SEM1: variants seen among roughly 807,000 people sequenced by gnomAD.
SEM1 encodes 26S proteasome complex subunit SEM1.
A neutral mutation model predicts 12.7 loss-of-function variants in SEM1; 3 were observed. The ratio of observed to expected loss-of-function variants is 0.24; its 90% CI spans 0.11 to 0.61. The LOEUF is 0.61. Ranked by LOEUF, SEM1 falls within the 20% of genes least tolerant of loss-of-function variation. The probability of loss-of-function intolerance (pLI) is 0.88; values close to 1 mark genes in which losing one functional copy is unlikely to be tolerated. For synonymous variants in SEM1, 30 were observed against 27.8 expected (o/e 1.08, Z -0.25); for missense variants, 59 against 81.3 (o/e 0.73, Z 1.06).
intron 2 of SEM1, among the ~76,000 whole-genome samples, chr7:96,634,899 G>T (rs1347864328): frequency 3.3e-5 from 5 of 152,006 alleles, no homozygotes; most frequent in African/African-American, 4.8e-5. Flanking sequence ...GTATAATAAA[G>T]AAATAATGGA....
intron 2 of SEM1, among the ~76,000 whole-genome samples, chr7:96,683,352 T>C (rs1263307262): frequency 6.6e-6 from 1 of 151,958 alleles, no homozygotes; most frequent in Admixed American, 6.6e-5. Flanking sequence ...TCATGCCAGT[T>C]TGAATGATGA....
chr7:96,650,671 C>A (rs1808946794), intron 2 of SEM1, among the ~76,000 whole-genome samples: 1 of 145,522 alleles, frequency 6.9e-6, no homozygotes, highest in Non-Finnish European at 1.5e-5. Context: ...CACAGAAACA[C>A]ACACAGATGC....
intron 2 of SEM1, among the ~76,000 whole-genome samples, chr7:96,560,604 A>C (rs760136418): frequency 1.3e-5 from 2 of 151,696 alleles, no homozygotes; most frequent in African/African-American, 4.8e-5. Context: ...TATTTTTGTC[A>C]TATGATAACC....
chr7:96,541,944 C>CTTTT (rs34050482), intron 2 of SEM1, among the ~76,000 whole-genome samples: 4 of 92,420 alleles, frequency 4.3e-5, no homozygotes, highest in South Asian at 4.0e-4. Flanking sequence ...GCCTATGTGT[C>CTTTT]TTTTTTTTTT....
chr7:96,593,251 C>T (rs1806890307), intron 2 of SEM1, among the ~76,000 whole-genome samples: 2 of 152,084 alleles, frequency 1.3e-5, no homozygotes, highest in South Asian at 2.1e-4. Context: ...GTTGATATTG[C>T]GTTCACAACA....
intron 2 of SEM1, among the ~76,000 whole-genome samples, chr7:96,574,850 T>A (rs1049003017): frequency 5.3e-5 from 8 of 152,240 alleles, no homozygotes; most frequent in African/African-American, 1.7e-4. Flanking sequence ...GTTATTCTAG[T>A]TAGCAATTCC....
chr7:96,603,049 T>C (rs915021433), intron 2 of SEM1, among the ~76,000 whole-genome samples: 1 of 152,138 alleles, frequency 6.6e-6, no homozygotes, highest in African/African-American at 2.4e-5. Context: ...AATTGGAACA[T>C]AAAAAATAAT....
chr7:96,486,054 A>G, intron 2 of SEM1: 1 of 638,064 alleles, frequency 1.6e-6, no homozygotes, highest in South Asian at 2.0e-5. Context: ...GAAGAATTGG[A>G]AGAAAGGAAA....
chr7:96,688,735 C>A (rs1207122551), downstream of SEM1: 5 of 463,440 alleles, frequency 1.1e-5, no homozygotes, highest in Admixed American at 8.4e-5. Context: ...TGATTAGAAG[C>A]AAAAGATTAA....
chr7:96,701,045 A>G (rs1790257424), intron 1 of SEM1, among the ~76,000 whole-genome samples: 1 of 152,204 alleles, frequency 6.6e-6, no homozygotes, highest in African/African-American at 2.4e-5. Flanking sequence ...AATTTTGAAT[A>G]TATTCAAAAT....
At chr7:96,540,559 C>T (rs948908060) in intron 2 of SEM1, among the ~76,000 whole-genome samples, 1 of 151,734 alleles carries the variant, frequency 6.6e-6, no homozygotes, top group African/African-American at 2.4e-5. Flanking sequence ...GATAGATAAA[C>T]TTCACCTATA....
intron 1 of SEM1, among the ~76,000 whole-genome samples, chr7:96,487,033 C>G (rs1029530395): frequency 1.8e-4 from 27 of 152,160 alleles, no homozygotes; most frequent in African/African-American, 6.5e-4. Context: ...GTGCATGCAA[C>G]TATTTGAGGA....
At chr7:96,608,328 C>T (rs940810681) in intron 2 of SEM1, among the ~76,000 whole-genome samples, 3 of 152,088 alleles carry the variant, frequency 2.0e-5, no homozygotes, top group Non-Finnish European at 4.4e-5. Flanking sequence ...ACCCTACTTC[C>T]GAGCATCAGT....
rs75873482 is a variant in SEM1 at position 96,563,227 on chromosome 7, G to A, written c.171-56529C>T. Among the ~76,000 whole-genome samples, 464 of 152,180 alleles carry A rather than the reference G, an allele frequency of 3.0e-3. 2 individuals are homozygous for A. The highest frequency in any genetic ancestry group is 0.011 in the African/African-American group (440 of 41,534). On this transcript the variant is annotated intron_variant and NMD_transcript_variant, in intron 2 of 3. Coordinates refer to the SEM1 transcript ENST00000466986. ...AAAAACAGGTTAATCTAGATACAAG[G>A]AGGTGGGTAGAGTGGCATTAGGAGG...
chr7:96,522,966 A>G (rs1182883096), intron 2 of SEM1, among the ~76,000 whole-genome samples: 1 of 150,792 alleles, frequency 6.6e-6, no homozygotes. Context: ...CTTGGATCCC[A>G]TTTTATCATG....
chr7:96,688,656 G>T, downstream of SEM1: 12 of 224,722 alleles, frequency 5.3e-5, no homozygotes, highest in Admixed American at 1.2e-4. Flanking sequence ...AAAAAAAAAA[G>T]AAAATTTCAT....
intron 2 of SEM1, among the ~76,000 whole-genome samples, chr7:96,559,247 A>G (rs905938361): frequency 8.6e-5 from 13 of 151,998 alleles, no homozygotes; most frequent in Non-Finnish European, 1.3e-4. Flanking sequence ...ATATTTGCAT[A>G]TTTTTCCTGT....
At chr7:96,584,288 T>A (rs1416900946) in intron 2 of SEM1, among the ~76,000 whole-genome samples, 1 of 152,222 alleles carries the variant, frequency 6.6e-6, no homozygotes, top group East Asian at 1.9e-4. Flanking sequence ...GAATGTTGAA[T>A]ATTGGCCCCC....
exon 4 of SEM1, chr7:96,482,449 G>T (rs887871757): frequency 6.6e-6 from 1 of 152,132 alleles, no homozygotes; most frequent in Non-Finnish European, 1.5e-5. Flanking sequence ...CATTCTCCGG[G>T]AGAAACTACT....
Sources: gnomAD v4.1 joint callset for allele counts (sites outside exome capture counted in the v4.1 genomes callset) on GRCh38, gnomAD v4.1.1 for gene constraint, MANE v1.5 for transcripts, NCBI Gene and HGNC (gene_info 2026-07-23, HGNC 2026-07-21) for gene names.